Variants in RAB9A observed in about 807,000 individuals in gnomAD.
RAB9A encodes ras-related protein Rab-9A.
RAB9A carries 1 observed loss-of-function variant against 10.3 expected under a neutral mutation model. The observed-to-expected ratio is 0.10, with a 90% CI of 0.03 to 0.46. RAB9A has a LOEUF of 0.46. Ranked by LOEUF, RAB9A falls within the 20% of genes least tolerant of loss-of-function variation. The pLI, the probability that RAB9A is intolerant of heterozygous loss-of-function variation, is 0.96. For missense variants in RAB9A, 92 were observed against 150.3 expected (o/e 0.61, Z 2.03); for synonymous variants, 39 against 55.2 (o/e 0.71, Z 1.30).
chrX:13,698,408 G>A (rs1458893750), intron 1 of RAB9A, among the ~76,000 whole-genome samples: 3 of 110,334 alleles, frequency 2.7e-5, no homozygotes. Context: ...CATAGCGATA[G>A]TATGGTTTGA....
rs1437627318 is a variant in RAB9A, at chrX:13,709,885, T to G, written c.*533T>G. On this transcript the variant is annotated 3_prime_UTR_variant, in exon 3 of 3. Transcript: ENST00000464506. The stretch of plus-strand genomic sequence containing the variant: ...ATGATTTAACCATTCCTGTTTTCAT[T>G]CTACATACTAGAATTACTCTCACTA... The G allele has an allele frequency of 8.1e-6, 1 of 123,967 alleles. No individual in the cohort carries two copies. Among genetic ancestry groups the G allele is most frequent in the Non-Finnish European group, 1.9e-5 (1 of 53,589 alleles). The allele number at this position is 123,967 out of a possible 1,213,427, so 10.2% of individuals were successfully genotyped here. A position where few individuals can be genotyped will look rare whatever the true frequency, so the allele number is the denominator to read the frequency against.
intron 1 of RAB9A, among the ~76,000 whole-genome samples, chrX:13,690,875 A>C (rs1462715419): frequency 9.0e-6 from 1 of 111,114 alleles, no homozygotes; most frequent in Non-Finnish European, 1.9e-5. Context: ...CTGTTTTCCA[A>C]GATGACCCAG....
chrX:13,708,284 A>G (rs1183282046), intron 2 of RAB9A, among the ~76,000 whole-genome samples: 6 of 106,984 alleles, frequency 5.6e-5, no homozygotes, highest in Non-Finnish European at 1.2e-4. Context: ...AGATGGTCCC[A>G]TGCACTCCAA....
intron 1 of RAB9A, among the ~76,000 whole-genome samples, chrX:13,701,713 G>T (rs1467485836): frequency 9.0e-6 from 1 of 111,398 alleles, no homozygotes; most frequent in Non-Finnish European, 1.9e-5. Flanking sequence ...TGTTCGGGAG[G>T]AGGTGAGGTC....
intron 1 of RAB9A, among the ~76,000 whole-genome samples, chrX:13,703,037 A>G (rs190124826): frequency 8.8e-6 from 1 of 113,197 alleles, no homozygotes; most frequent in African/African-American, 3.2e-5. Flanking sequence ...GCTTTATGCT[A>G]CATGTCAGTA....
At chrX:13,700,723 A>G (rs755541224) in intron 1 of RAB9A, among the ~76,000 whole-genome samples, 1 of 111,658 alleles carries the variant, frequency 9.0e-6, no homozygotes, top group Non-Finnish European at 1.9e-5. Context: ...TTCTAGGGTC[A>G]TATTTTTAAT....
intron 1 of RAB9A, among the ~76,000 whole-genome samples, chrX:13,693,663 A>G (rs1294397927): frequency 5.3e-5 from 6 of 112,359 alleles, no homozygotes; most frequent in African/African-American, 1.9e-4. Context: ...ATTTTTGACC[A>G]TGGTGAGTTC....
Position 13,709,943 on chromosome X carries a change from A to AC in RAB9A, c.*596dup, listed in dbSNP as rs1056623913. 8.1e-6 allele frequency: 1 copy of AC among 123,287 alleles called. No homozygotes were observed. Among genetic ancestry groups the AC allele is most frequent in the Non-Finnish European group, 1.9e-5 (1 of 53,360 alleles). 10.2% of individuals were successfully genotyped at this position (123,287 alleles called of 1,213,427 possible). A position where few individuals can be genotyped will look rare whatever the true frequency, so the allele number is the denominator to read the frequency against. On this transcript the variant is annotated 3_prime_UTR_variant, in exon 3 of 3. Transcript: ENST00000464506. ...CTCATCATTTGTGTGCCATTCATGC[A>AC]CCCCCACCCCCATAAATCATGTTCC...
At chrX:13,694,770 A>G (rs899133216) in intron 1 of RAB9A, among the ~76,000 whole-genome samples, 1 of 111,610 alleles carries the variant, frequency 9.0e-6, no homozygotes, top group African/African-American at 3.3e-5. Flanking sequence ...GTGAGGAGAA[A>G]AGGCATCAAA....
intron 1 of RAB9A, among the ~76,000 whole-genome samples, chrX:13,696,698 T>C (rs181171617): frequency 1.1e-3 from 121 of 112,208 alleles, no homozygotes; most frequent in African/African-American, 3.9e-3. Context: ...TTGGTGACTT[T>C]TGCTGACAAT....
At chrX:13,706,645 C>T (rs1436883916) in intron 2 of RAB9A, among the ~76,000 whole-genome samples, 3 of 109,046 alleles carry the variant, frequency 2.8e-5, no homozygotes, top group African/African-American at 3.4e-5. Context: ...GTGACCTGCC[C>T]GCCTCAGCCT....
chrX:13,704,871 C>T lies in RAB9A; in HGVS notation c.-27+969C>T, dbSNP rs1224049034. Among the ~76,000 whole-genome samples, 5 of 111,696 alleles carry T rather than the reference C, an allele frequency of 4.5e-5. No homozygotes were observed. In the Admixed American group the frequency reaches 4.8e-4, roughly 11 times the overall value. On this transcript the variant is annotated intron_variant, in intron 2 of 2. Transcript: ENST00000464506. ...CTGACCTCAAGTGATCTGTCCGCCCCAGCCTCCCAAAGTGCTGGGATTACA... is the reference window on the plus strand; with the variant it reads ...CTGACCTCAAGTGATCTGTCCGCCCTAGCCTCCCAAAGTGCTGGGATTACA...
chrX:13,709,014 G>C lies in RAB9A; in HGVS notation c.268G>C (p.Asp90His), dbSNP rs1199899368. The stretch of plus-strand genomic sequence containing the variant: ...CTGCTGCCTGCTTACTTTTAGTGTC[G>C]ATGATTCACAAAGCTTCCAGAACTT... ...SDCCLLTFSV[D>H]DSQSFQNLSN... Residue 90 changes from aspartate to histidine, a missense_variant, in exon 3 of 3, where the codon GAT (aspartate) becomes CAT (histidine). Transcript: ENST00000464506. The C allele has an allele frequency of 8.3e-7, 1 of 1,211,402 alleles. No individual in the cohort carries two copies.
chrX:13,698,027 A>G (rs1277568411), intron 1 of RAB9A, among the ~76,000 whole-genome samples: 2 of 111,017 alleles, frequency 1.8e-5, no homozygotes, highest in Non-Finnish European at 3.8e-5. Flanking sequence ...GCTACTTTCC[A>G]GTGCTCAGTA....
intron 1 of RAB9A, among the ~76,000 whole-genome samples, chrX:13,700,073 C>T (rs969814224): frequency 9.0e-6 from 1 of 111,091 alleles, no homozygotes; most frequent in Non-Finnish European, 1.9e-5. Context: ...CTCAGCCTCC[C>T]AAGTAGCTGG....
chrX:13,703,418 C>CTGT (rs990068853), intron 1 of RAB9A, among the ~76,000 whole-genome samples: 1 of 112,436 alleles, frequency 8.9e-6, no homozygotes, highest in Non-Finnish European at 1.9e-5. Flanking sequence ...AGGCTAGCTG[C>CTGT]TGTTGTTGTT....
chrX:13,703,228 T>G (rs2046182288), intron 1 of RAB9A, among the ~76,000 whole-genome samples: 1 of 112,638 alleles, frequency 8.9e-6, no homozygotes, highest in Admixed American at 9.4e-5. Context: ...CCTAGTGGGT[T>G]AAGTGCCTGG....
chrX:13,689,967 T>C (rs1224936893), intron 1 of RAB9A, among the ~76,000 whole-genome samples: 3 of 23,485 alleles, frequency 1.3e-4, no homozygotes, highest in African/African-American at 6.7e-4. Context: ...GACGTATTGC[T>C]TTTTTTTTTT....
chrX:13,696,274 T>C (rs1413872931), intron 1 of RAB9A, among the ~76,000 whole-genome samples: 2 of 107,105 alleles, frequency 1.9e-5, no homozygotes, highest in African/African-American at 6.8e-5. Flanking sequence ...AAAAAAAAAT[T>C]AGCCAGTCTT....
Sources: allele counts gnomAD v4.1 joint callset (sites outside exome capture counted in the v4.1 genomes callset), GRCh38; gene constraint gnomAD v4.1.1; transcripts MANE v1.5; gene names NCBI Gene and HGNC (gene_info 2026-07-23, HGNC 2026-07-21).